The following KLHL1 variants were observed in gnomAD, a reference collection of about 807,000 sequenced individuals.
KLHL1 encodes kelch like family member 1.
Under a neutral mutation model 77.7 loss-of-function variants are expected in KLHL1, and 47 were observed. That is an observed-to-expected ratio of 0.60 (90% CI 0.48 to 0.77). The LOEUF (loss-of-function observed/expected upper bound fraction) is 0.77. Among genes scored for constraint, KLHL1 ranks in the 30% least tolerant of loss-of-function variants. KLHL1 has a pLI of 0.00. For synonymous variants in KLHL1, 360 were observed against 325.2 expected, an observed-to-expected ratio of 1.11 and a Z score of -1.15; for missense variants, 925 against 910.8, an observed-to-expected ratio of 1.02 and a Z score of -0.20.
chr13:69,764,828 C>A (rs1253271630), intron 7 of KLHL1, among the ~76,000 whole-genome samples: 1 of 151,080 alleles, frequency 6.6e-6, no homozygotes, highest in Non-Finnish European at 1.5e-5. Flanking sequence ...AAGAGGAAAA[C>A]CTATACCCTA....
chr13:69,839,938 T>G (rs966396788), intron 5 of KLHL1, among the ~76,000 whole-genome samples: 1 of 152,030 alleles, frequency 6.6e-6, no homozygotes, highest in Non-Finnish European at 1.5e-5. Flanking sequence ...TAGTGTCTTC[T>G]TTTTTAATGG....
At chr13:70,037,601 G>A (rs986531425) in intron 1 of KLHL1, among the ~76,000 whole-genome samples, 3 of 151,614 alleles carry the variant, frequency 2.0e-5, no homozygotes, top group African/African-American at 7.3e-5. Flanking sequence ...CTCTTCTTTA[G>A]TTTCTTTTTT....
chr13:69,868,746 C>T (rs1413287911), intron 5 of KLHL1, among the ~76,000 whole-genome samples: 3 of 151,916 alleles, frequency 2.0e-5, no homozygotes, highest in African/African-American at 7.3e-5. Context: ...AGCTTGTTCT[C>T]ACACATGAAT....
At chr13:69,855,359 G>GATCT (rs1566329827) in intron 5 of KLHL1, among the ~76,000 whole-genome samples, 2,001 of 146,378 alleles carry the variant, frequency 0.014, 34 homozygotes, top group African/African-American at 0.032. Context: ...CAGACAGATA[G>GATCT]ATACATAGAG....
chr13:70,066,890 A>G (rs945257223), intron 1 of KLHL1, among the ~76,000 whole-genome samples: 2 of 152,216 alleles, frequency 1.3e-5, no homozygotes, highest in African/African-American at 2.4e-5. Context: ...TAAAATAATA[A>G]TCTATTTGCC....
intron 1 of KLHL1, among the ~76,000 whole-genome samples, chr13:70,024,630 C>CTCTTTCTCTCTT (rs1378660012): frequency 7.0e-5 from 6 of 85,268 alleles, no homozygotes; most frequent in African/African-American, 3.7e-4. Flanking sequence ...TTCTCTCTCT[C>CTCTTTCTCTCTT]TCTCTCTCTC....
chr13:69,844,315 G>T (rs1005896736), intron 5 of KLHL1, among the ~76,000 whole-genome samples: 2 of 151,324 alleles, frequency 1.3e-5, no homozygotes, highest in Non-Finnish European at 3.0e-5. Context: ...AATGACCAAG[G>T]TATGCTGTAT....
chr13:69,894,060 G>T (rs1292703278), intron 4 of KLHL1: 3 of 152,300 alleles, frequency 2.0e-5, no homozygotes, highest in Non-Finnish European at 4.4e-5. Flanking sequence ...TTTTCCTGAT[G>T]GCAACTGTGG....
At chr13:69,887,436 C>A (rs546684693) in intron 4 of KLHL1, among the ~76,000 whole-genome samples, 2 of 152,128 alleles carry the variant, frequency 1.3e-5, no homozygotes, top group East Asian at 3.9e-4. Context: ...ATTTTCAAAT[C>A]TTTAAGATCT....
intron 7 of KLHL1, among the ~76,000 whole-genome samples, chr13:69,751,839 G>A (rs1231879268): frequency 1.3e-5 from 2 of 152,040 alleles, no homozygotes; most frequent in African/African-American, 2.4e-5. Context: ...AGAGGTGATA[G>A]TGTCTTGCTT....
chr13:69,947,882 AC>A (rs1883580748), intron 3 of KLHL1, among the ~76,000 whole-genome samples: 1 of 152,098 alleles, frequency 6.6e-6, no homozygotes, highest in Admixed American at 6.6e-5. Context: ...AAGCATGAAA[AC>A]TGCTAATGGA....
chr13:69,810,740 C>CA (rs914571111), intron 6 of KLHL1, among the ~76,000 whole-genome samples: 20 of 149,460 alleles, frequency 1.3e-4, no homozygotes, highest in Admixed American at 3.3e-4. Flanking sequence ...AGTTGGTTAA[C>CA]AAAAAAAAAG....
intron 5 of KLHL1, among the ~76,000 whole-genome samples, chr13:69,881,674 T>G (rs555935501): frequency 1.3e-5 from 2 of 152,136 alleles, no homozygotes; most frequent in Non-Finnish European, 2.9e-5. Flanking sequence ...TCTTATTAAT[T>G]TTTCTGTACC....
chr13:69,841,288 T>A lies in KLHL1; in HGVS notation c.1228-2126A>T, dbSNP rs1403421078. 2.0e-5 allele frequency among the ~76,000 whole-genome samples: 3 copies of A among 151,906 alleles called. No individual in the cohort carries two copies. The East Asian group carries it at 5.8e-4, about 29-fold the overall frequency. On this transcript the variant is annotated intron_variant, in intron 5 of 10. Transcript: ENST00000377844. ...AAGAAGTCAAGTTTCTCCTGTTTAC[T>A]GATTATATAGTCTTATATCTAGAAA...
chr13:69,728,923 G>T (rs79739358), intron 8 of KLHL1, among the ~76,000 whole-genome samples: 7,996 of 152,086 alleles, frequency 0.053, 359 homozygotes, highest in African/African-American at 0.12. Flanking sequence ...TTAAGGGGGT[G>T]GTACTACATA....
At chr13:70,020,611 G>A (rs1194436798) in intron 1 of KLHL1, among the ~76,000 whole-genome samples, 2 of 152,156 alleles carry the variant, frequency 1.3e-5, no homozygotes, top group East Asian at 1.9e-4. Flanking sequence ...TACCTGGAGA[G>A]CAGAAGCTGT....
At chr13:69,933,226 A>G (rs538923331) in intron 4 of KLHL1, among the ~76,000 whole-genome samples, 68 of 152,264 alleles carry the variant, frequency 4.5e-4, no homozygotes, top group Admixed American at 1.7e-3. Context: ...CATGTGAGAC[A>G]CTGAAAAGGA....
At chr13:69,901,196 G>T (rs1293750705) in intron 4 of KLHL1, among the ~76,000 whole-genome samples, 2 of 151,928 alleles carry the variant, frequency 1.3e-5, no homozygotes, top group Admixed American at 6.6e-5. Flanking sequence ...TATTATTTTG[G>T]TTAACATATT....
At chr13:69,939,536 G>A (rs149075661) in intron 4 of KLHL1, among the ~76,000 whole-genome samples, 1,555 of 151,920 alleles carry the variant, frequency 0.01, 25 homozygotes, top group African/African-American at 0.035. Context: ...AAGGGCAGCT[G>A]TGGAAGTGAA....
Sources: gnomAD v4.1 joint callset for allele counts (sites outside exome capture counted in the v4.1 genomes callset) on GRCh38, gnomAD v4.1.1 for gene constraint, MANE v1.5 for transcripts, NCBI Gene and HGNC (gene_info 2026-07-23, HGNC 2026-07-21) for gene names.